Variants in ZNF257 observed in about 807,000 individuals in gnomAD.
The protein encoded by ZNF257 is zinc finger protein 257.
ZNF257 carries 12 observed loss-of-function variants against 11.9 expected under a neutral mutation model. That is an observed-to-expected ratio of 1.01 (90% confidence interval 0.65 to 1.63). The LOEUF is 1.63. Among genes scored for constraint, ZNF257 ranks in the 40% most tolerant of loss-of-function variants. ZNF257 has a pLI of 0.00. For missense variants in ZNF257, 580 were observed against 665.5 expected (o/e 0.87, Z 1.41); for synonymous variants, 183 against 222.7 (o/e 0.82, Z 1.59).
chr19:22,061,621 C>CT (rs530083108), intron 1 of ZNF257, among the ~76,000 whole-genome samples: 16,518 of 146,090 alleles, frequency 0.11, 3,052 homozygotes, highest in African/African-American at 0.39. Flanking sequence ...ATTTGGATGC[C>CT]TTTTTTTTTT....
chr19:22,087,214 C>A (rs963298365), intron 3 of ZNF257, among the ~76,000 whole-genome samples: 1 of 151,136 alleles, frequency 6.6e-6, no homozygotes, highest in East Asian at 1.9e-4. Context: ...ACATTGTAAT[C>A]TTTGAGACTG....
At chr19:22,062,912 C>T (rs556450583) in intron 1 of ZNF257, among the ~76,000 whole-genome samples, 3 of 152,240 alleles carry the variant, frequency 2.0e-5, no homozygotes, top group South Asian at 2.1e-4. Flanking sequence ...ATACTTTTAG[C>T]GGAAATGGTA....
In ZNF257 at chr19:22,089,164, T is replaced by C; in HGVS notation, c.1414T>C (p.Ser472Pro). 1.2e-6 allele frequency: 2 copies of C among 1,613,396 alleles called. No homozygotes were observed. The part of the protein sequence containing the change: ...EECGKAFNQS[S>P]HLTQHKIIHT... ...GTGTGGCAAAGCCTTTAACCAGTCT[T>C]CACACCTTACTCAACATAAAATAAT... The change falls in exon 4 of 4, where the codon TCA becomes CCA. Residue 472 changes from serine (S) to proline (P), a missense_variant. Physicochemically the swap from Ser to Pro is moderately conservative, Grantham distance 74. Transcript: ENST00000594947.
At chr19:22,059,319 C>T (rs888897509) in intron 1 of ZNF257, among the ~76,000 whole-genome samples, 2 of 152,110 alleles carry the variant, frequency 1.3e-5, no homozygotes, top group African/African-American at 4.8e-5. Flanking sequence ...CATCAACTTG[C>T]CCTCAGTATC....
intron 1 of ZNF257, among the ~76,000 whole-genome samples, chr19:22,054,226 C>T (rs78367666): frequency 6.6e-6 from 1 of 151,988 alleles, no homozygotes; most frequent in Non-Finnish European, 1.5e-5. Flanking sequence ...GCACCCACCA[C>T]CACACCTGGC....
At position 22,089,317 on chromosome 19, in the gene ZNF257, C is replaced by A; in HGVS notation, c.1567C>A (p.Pro523Thr). 1 of 1,613,050 alleles carries A rather than the reference C, an allele frequency of 6.2e-7. No homozygotes were observed. Among genetic ancestry groups the A allele is most frequent in the South Asian group, 1.1e-5 (1 of 91,004 alleles). ...CTACAAATGTGAAGAATGTGGCAAGCCTTTTAATCGTTTCTCATACCTTAC... is the reference window on the plus strand; with the variant it reads ...CTACAAATGTGAAGAATGTGGCAAGACTTTTAATCGTTTCTCATACCTTAC... The part of the protein sequence containing the change: ...KPYKCEECGK[P>T]FNRFSYLTVH... Residue 523 changes from proline (P) to threonine (T), a missense_variant, in exon 4 of 4, where the codon CCT (proline) becomes ACT (threonine). Pro to Thr is a conservative substitution (Grantham distance 38, BLOSUM62 -1). Transcript: ENST00000594947.
chr19:22,067,285 A>G (rs1421931658), intron 1 of ZNF257, among the ~76,000 whole-genome samples: 1 of 152,130 alleles, frequency 6.6e-6, no homozygotes, highest in Non-Finnish European at 1.5e-5. Context: ...TTCACAGAAC[A>G]TGGAGCTCAG....
chr19:22,073,399 T>C, intron 2 of ZNF257, 70 bp from the exon 3 acceptor site: 2 of 1,476,518 alleles, frequency 1.4e-6, no homozygotes, highest in South Asian at 2.6e-5. Context: ...ATTCTCTTTA[T>C]TGAGCACATT....
At chr19:22,086,972 A>T (rs954438740) in intron 3 of ZNF257, among the ~76,000 whole-genome samples, 2 of 151,546 alleles carry the variant, frequency 1.3e-5, no homozygotes, top group African/African-American at 4.9e-5. Context: ...AGAATTGGTT[A>T]ATTATCTCTT....
chr19:22,052,556 C>CA lies in ZNF257; in HGVS notation c.-76dup. The CA allele has an allele frequency of 6.5e-7, 1 of 1,546,050 alleles. No individual in the cohort carries two copies. Among genetic ancestry groups the CA allele is most frequent in the Non-Finnish European group, 8.9e-7 (1 of 1,126,004 alleles). On this transcript the variant is annotated 5_prime_UTR_variant, in exon 1 of 4. Transcript: ENST00000594947. Reference sequence around the variant, plus strand: ...TCTGTGTCCTCTTCTCCTAGGGGCCCAGCCTCTGTGGCCCTGTGACCTGCA... The same window carrying CA: ...TCTGTGTCCTCTTCTCCTAGGGGCCCAAGCCTCTGTGGCCCTGTGACCTGCA...
At chr19:22,059,643 CT>C (rs58613357) in intron 1 of ZNF257, among the ~76,000 whole-genome samples, 5,269 of 136,770 alleles carry the variant, frequency 0.039, 337 homozygotes, top group African/African-American at 0.13. Flanking sequence ...TGTTTCTTTT[CT>C]TTTTTTTTTT....
chr19:22,090,532 T>C lies in ZNF257; in HGVS notation c.*1090T>C, dbSNP rs2022603406. ...AAAGAAATATTTAATTCAAATTGAG[T>C]TTATATAATTATCAGAGAATTAACA... On this transcript the variant is annotated 3_prime_UTR_variant, in exon 4 of 4. Coordinates refer to ENST00000594947, the MANE Select transcript of ZNF257 (RefSeq NM_033468.4). 1 of 152,094 alleles carries C rather than the reference T, an allele frequency of 6.6e-6. No individual in the cohort carries two copies. The highest frequency in any genetic ancestry group is 1.5e-5 in the Non-Finnish European group (1 of 67,988). 9.4% of individuals were successfully genotyped at this position (152,094 alleles called of 1,614,324 possible). A position where few individuals can be genotyped will look rare whatever the true frequency, so the allele number is the denominator to read the frequency against.
intron 3 of ZNF257, among the ~76,000 whole-genome samples, chr19:22,081,044 A>T (rs2022346336): frequency 6.6e-6 from 1 of 151,414 alleles, no homozygotes; most frequent in Admixed American, 6.6e-5. Context: ...ATGCTCGGCT[A>T]ATTTTTGTAT....
At position 22,081,951 on chromosome 19, in the gene ZNF257, G is replaced by A. The variant is rs78368178; in HGVS notation, c.227-6026G>A. ...TTCCTATTTTACCACCTTAAATTTTGCTTAATTTTATAGTGACATGCCTTA... is the reference window on the plus strand; with the variant it reads ...TTCCTATTTTACCACCTTAAATTTTACTTAATTTTATAGTGACATGCCTTA... On this transcript the variant is annotated intron_variant, in intron 3 of 3. Transcript: ENST00000594947. 8.6e-3 allele frequency among the ~76,000 whole-genome samples: 1,307 copies of A among 151,468 alleles called. 13 individuals carry two copies. Among genetic ancestry groups the A allele is most frequent in the Middle Eastern group, 0.01 (3 of 292 alleles).
intron 1 of ZNF257, chr19:22,060,486 C>CTTTTTT (rs61396561): frequency 7.3e-6 from 1 of 136,112 alleles, no homozygotes; most frequent in Non-Finnish European, 1.6e-5. Context: ...CCTACTTTTT[C>CTTTTTT]TTTTTTTTTT....
chr19:22,073,513 G>T lies in ZNF257; in HGVS notation c.175G>T (p.Gly59Ter). 1 of 1,612,170 alleles carries T rather than the reference G, an allele frequency of 6.2e-7. No individual in the cohort carries two copies. The highest frequency in any genetic ancestry group is 8.5e-7 in the Non-Finnish European group (1 of 1,179,232). Residue 59 changes from glycine (G) to a stop codon, truncating the protein, a stop_gained, in exon 3 of 4, where the codon GGA becomes TGA. Coordinates refer to ENST00000594947, the MANE Select transcript of ZNF257 (RefSeq NM_033468.4). LOFTEE classifies it high-confidence loss of function. ...AGACCTGATCACCTGTCTGGAGCAA[G>T]GAAAAGAGCCCTGTAATATGAAGAG... ...KPDLITCLEQGKEPCNMKRHE... is the reference protein window; with the variant it reads ...KPDLITCLEQ
rs111941634 is a variant in ZNF257, at chr19:22,052,538, C to T, written c.-95C>T. ...AGGTCTCGTCTTCCCTGGTCTGTGT[C>T]CTCTTCTCCTAGGGGCCCAGCCTCT... On this transcript the variant is annotated 5_prime_UTR_variant, in exon 1 of 4. Transcript: ENST00000594947. 296 of 1,461,772 alleles carry T rather than the reference C, an allele frequency of 2.0e-4. 1 individual carries two copies. In the African/African-American group the frequency reaches 3.7e-3, roughly 18 times the overall value. The allele number at this position is 1,461,772 out of a possible 1,614,324, so 90.6% of individuals were successfully genotyped here. A position where few individuals can be genotyped will look rare whatever the true frequency, so the allele number is the denominator to read the frequency against.
chr19:22,052,752 GT>G, intron 1 of ZNF257, 117 bp downstream of exon 1: 3 of 1,294,232 alleles, frequency 2.3e-6, no homozygotes, highest in Non-Finnish European at 3.3e-6. Flanking sequence ...CTGCGCCCGA[GT>G]TTTCCTTGGC....
chr19:22,057,912 A>G (rs1399292314), intron 1 of ZNF257, among the ~76,000 whole-genome samples: 1 of 152,126 alleles, frequency 6.6e-6, no homozygotes, highest in Non-Finnish European at 1.5e-5. Flanking sequence ...GGCACCAGCC[A>G]TCATGTCTGG....
Sources: allele counts gnomAD v4.1 joint callset (sites outside exome capture counted in the v4.1 genomes callset), GRCh38; gene constraint gnomAD v4.1.1; transcripts MANE v1.5; gene names NCBI Gene and HGNC (gene_info 2026-07-23, HGNC 2026-07-21).